KAT6B: variants seen among roughly 807,000 people sequenced by gnomAD.
KAT6B encodes the protein histone acetyltransferase KAT6B.
A neutral mutation model predicts 187.5 loss-of-function variants in KAT6B; 10 were observed. That is an observed-to-expected ratio of 0.05 (90% confidence interval 0.03 to 0.09). The LOEUF is 0.09. KAT6B is among the 10% of genes least tolerant of loss of function. KAT6B has a pLI of 1.00. For missense variants in KAT6B, 1,952 were observed against 2,558.9 expected (o/e 0.76, Z 5.12); for synonymous variants, 861 against 926.8 (o/e 0.93, Z 1.29).
At chr10:74,937,871 A>T (rs1849373154) in intron 3 of KAT6B, among the ~76,000 whole-genome samples, 1 of 152,202 alleles carries the variant, frequency 6.6e-6, no homozygotes, top group Non-Finnish European at 1.5e-5. Flanking sequence ...GTCACCAGCA[A>T]CCACTACAAT....
chr10:74,917,858 G>T (rs1231146654), intron 3 of KAT6B, among the ~76,000 whole-genome samples: 1 of 152,178 alleles, frequency 6.6e-6, no homozygotes, highest in African/African-American at 2.4e-5. Flanking sequence ...TGGCTTGTTT[G>T]CAGACTGGCA....
intron 3 of KAT6B, among the ~76,000 whole-genome samples, chr10:74,885,337 A>C (rs1189131754): frequency 6.6e-6 from 1 of 152,174 alleles, no homozygotes; most frequent in Non-Finnish European, 1.5e-5. Context: ...AAATTTATAT[A>C]GTCGCATGTG....
rs1333008084 is a variant in KAT6B, at chr10:74,886,418, AT to A, written c.621+42942del. Reference sequence around the variant, plus strand: ...CCACCTGCATCCCAGGTGAGGAGGAATTCTTGAAAATGCCGAGTTTGACTCA... The same window carrying A: ...CCACCTGCATCCCAGGTGAGGAGGAATCTTGAAAATGCCGAGTTTGACTCA... On this transcript the variant is annotated intron_variant, in intron 3 of 17. Transcript: ENST00000287239. Among the ~76,000 whole-genome samples, 6 of 152,210 alleles carry A rather than the reference AT, an allele frequency of 3.9e-5. No individual in the cohort carries two copies. The East Asian group carries it at 9.6e-4, about 24-fold the overall frequency.
At chr10:75,005,964 G>A (rs965016532) in intron 13 of KAT6B, among the ~76,000 whole-genome samples, 4 of 152,116 alleles carry the variant, frequency 2.6e-5, no homozygotes, top group Middle Eastern at 3.2e-3. Flanking sequence ...ACAATTACAC[G>A]GCAGAAGGTA....
intron 3 of KAT6B, among the ~76,000 whole-genome samples, chr10:74,903,801 C>T (rs1217448193): frequency 1.3e-5 from 2 of 152,144 alleles, no homozygotes; most frequent in African/African-American, 4.8e-5. Flanking sequence ...TAATTCTTAG[C>T]TTTGTCAGAT....
At chr10:74,828,916 A>T (rs966593199) in intron 1 of KAT6B, among the ~76,000 whole-genome samples, 6 of 151,650 alleles carry the variant, frequency 4.0e-5, no homozygotes, top group African/African-American at 1.5e-4. Context: ...ACAGTATTTT[A>T]TGTTTTTAAG....
intron 11 of KAT6B, chr10:74,982,741 T>A (rs1842590720): frequency 1.3e-5 from 2 of 152,530 alleles, no homozygotes; most frequent in African/African-American, 4.8e-5. Context: ...TTCTCCTCTG[T>A]GACCCATTGT....
upstream of KAT6B, chr10:74,825,574 G>A (rs1454060598): frequency 1.3e-5 from 2 of 157,508 alleles, no homozygotes; most frequent in African/African-American, 2.4e-5. This position sits in a 1 kb window ranked among gnomAD's most constrained non-coding sequence, Gnocchi z 5.0. Context: ...CTGCGGACCC[G>A]GGCGGCTGGC....
intron 3 of KAT6B, among the ~76,000 whole-genome samples, chr10:74,896,447 G>A (rs1023720378): frequency 1.3e-5 from 2 of 151,926 alleles, no homozygotes; most frequent in Admixed American, 6.6e-5. Context: ...ACGCCACCAC[G>A]CCCAGCTAAT....
At chr10:74,926,081 G>T (rs1459257465) in intron 3 of KAT6B, among the ~76,000 whole-genome samples, 1 of 152,166 alleles carries the variant, frequency 6.6e-6, no homozygotes, top group Non-Finnish European at 1.5e-5. Context: ...CTCTATAATT[G>T]TTGAATTTGA....
intron 3 of KAT6B, among the ~76,000 whole-genome samples, chr10:74,898,806 G>A (rs896415554): frequency 7.5e-6 from 1 of 134,090 alleles, no homozygotes; most frequent in Non-Finnish European, 1.5e-5. Context: ...ATCATATCCT[G>A]GGGGAGGGGA....
chr10:74,925,140 A>G (rs1376931306), intron 3 of KAT6B, among the ~76,000 whole-genome samples: 1 of 152,126 alleles, frequency 6.6e-6, no homozygotes, highest in African/African-American at 2.4e-5. Flanking sequence ...CCCGGGTTCA[A>G]GCAATTCTCC....
At chr10:74,960,625 T>C (rs1359126519) in intron 4 of KAT6B, among the ~76,000 whole-genome samples, 1 of 152,056 alleles carries the variant, frequency 6.6e-6, no homozygotes, top group Non-Finnish European at 1.5e-5. Context: ...TCTTGAGATA[T>C]ACTGGCTAGG....
chr10:74,898,793 G>A (rs531369850), intron 3 of KAT6B, among the ~76,000 whole-genome samples: 1 of 148,962 alleles, frequency 6.7e-6, no homozygotes, highest in South Asian at 2.2e-4. Context: ...AGTTTCAAAT[G>A]TAATCATATC....
At position 75,030,151 on chromosome 10, in the gene KAT6B, C is replaced by T. The variant is rs747908108; in HGVS notation, c.5327C>T (p.Thr1776Ile). ...LAQCSMAANFTPPMQLAEIPE... is the reference protein window; with the variant it reads ...LAQCSMAANFIPPMQLAEIPE... ...CAGTGCAGCATGGCTGCTAACTTCACCCCACCCATGCAGCTGGCTGAAATC... is the reference window on the plus strand; with the variant it reads ...CAGTGCAGCATGGCTGCTAACTTCATCCCACCCATGCAGCTGGCTGAAATC... The change falls in exon 18 of 18, where the codon ACC (threonine) becomes ATC (isoleucine). Residue 1776 changes from threonine to isoleucine, a missense_variant. This residue lies in a region of KAT6B where 358 missense variants were observed against 436.3 expected (regional missense o/e 0.82). Coordinates refer to ENST00000287239, the MANE Select transcript of KAT6B (RefSeq NM_012330.4). This position sits in a 1 kb window ranked among gnomAD's most constrained non-coding sequence, Gnocchi z 4.8. 3.1e-6 allele frequency: 5 copies of T among 1,614,264 alleles called. No homozygotes were observed. The highest frequency in any genetic ancestry group is 4.2e-6 in the Non-Finnish European group (5 of 1,180,048).
chr10:74,906,084 T>C (rs1846739214), intron 3 of KAT6B, among the ~76,000 whole-genome samples: 1 of 152,078 alleles, frequency 6.6e-6, no homozygotes, highest in Admixed American at 6.6e-5. Flanking sequence ...GGAAAAAATA[T>C]AGCAATAACT....
At chr10:74,973,789 G>T (rs1841991066) in intron 7 of KAT6B, among the ~76,000 whole-genome samples, 1 of 151,974 alleles carries the variant, frequency 6.6e-6, no homozygotes, top group Non-Finnish European at 1.5e-5. Context: ...ATCTTTCATG[G>T]TAGTATCATT....
chr10:74,976,082 A>T lies in KAT6B; in HGVS notation c.1745A>T (p.Lys582Ile). ...AAAACTGAATTATCTTCCACGGCAA[A>T]ATCTAAAGCCCACTTCTTTGGCAAA... Reference protein sequence around the residue: ...RRKTELSSTAKSKAHFFGKRD... With the variant: ...RRKTELSSTAISKAHFFGKRD... Residue 582 changes from lysine to isoleucine, a missense_variant, in exon 8 of 18, where the codon AAA (lysine) becomes ATA (isoleucine). Around this residue, in one of 9 missense-constraint regions of KAT6B, gnomAD observed 417 missense variants for 508.9 expected, o/e 0.82. Coordinates refer to ENST00000287239, the MANE Select transcript of KAT6B (RefSeq NM_012330.4). 6.2e-7 allele frequency: 1 copy of T among 1,614,144 alleles called. No individual in the cohort carries two copies. The highest frequency in any genetic ancestry group is 8.5e-7 in the Non-Finnish European group (1 of 1,180,034).
intron 3 of KAT6B, among the ~76,000 whole-genome samples, chr10:74,880,906 G>A (rs979577134): frequency 2.0e-5 from 3 of 150,428 alleles, no homozygotes; most frequent in Admixed American, 6.6e-5. Flanking sequence ...GTGAGCCACT[G>A]TTCCTGGCCT....
Sources: allele counts gnomAD v4.1 joint callset (sites outside exome capture counted in the v4.1 genomes callset), GRCh38; gene constraint gnomAD v4.1.1; regional missense constraint gnomAD v4.1.1; non-coding constraint Gnocchi (gnomAD v3.1); transcripts MANE v1.5; gene names NCBI Gene and HGNC (gene_info 2026-07-23, HGNC 2026-07-21).